The following NOX4 variants were observed in gnomAD, a reference collection of about 807,000 sequenced individuals.
The protein encoded by NOX4 is kidney oxidase-1.
Under a neutral mutation model 87.6 loss-of-function variants are expected in NOX4, and 69 were observed. The ratio of observed to expected loss-of-function variants is 0.79; its 90% CI spans 0.65 to 0.96. The LOEUF (loss-of-function observed/expected upper bound fraction) is 0.96, where lower values mean the gene tolerates loss of function less well. Among genes scored for constraint, NOX4 ranks in the 40% least tolerant of loss-of-function variants. The pLI is 0.00. For synonymous variants in NOX4, 275 were observed against 238.2 expected (o/e 1.15, Z -1.42); for missense variants, 680 against 681.5 (o/e 1.00, Z 0.02).
At position 89,326,526 on chromosome 11, in the gene NOX4, G is replaced by C. The variant is rs2135352974; in HGVS notation, c.*230C>G. On this transcript the variant is annotated 3_prime_UTR_variant, in exon 18 of 18. Transcript: ENST00000263317. ...ACAGTTTTCTTTTAATTTGAGAACT[G>C]AAAAGTGAATCATCACATCAAATAT... 1 of 345,944 alleles carries C rather than the reference G, an allele frequency of 2.9e-6. No individual in the cohort carries two copies. The highest frequency in any genetic ancestry group is 5.2e-6 in the Non-Finnish European group (1 of 191,228). 21.4% of individuals were successfully genotyped at this position (345,944 alleles called of 1,614,324 possible).
At chr11:89,500,439 G>T (rs1014092174), upstream of NOX4, among the ~76,000 whole-genome samples, 2 of 152,122 alleles carry the variant, frequency 1.3e-5, no homozygotes, top group South Asian at 4.1e-4. Flanking sequence ...CACATAGCCT[G>T]CAAGTTCTCC....
In NOX4 at chr11:89,435,102, T is replaced by C. The variant is rs1944009626; in HGVS notation, c.476-2246A>G. Among the ~76,000 whole-genome samples, 2 of 152,226 alleles carry C rather than the reference T, an allele frequency of 1.3e-5. 1 individual carries two copies. Among genetic ancestry groups the C allele is most frequent in the Middle Eastern group, 6.8e-3 (2 of 294 alleles). ...ATGTATCAAAACCAATCAAATTGTA[T>C]ACATGTGTATAATTAGTGTACTTCA... is the stretch of plus-strand genomic sequence containing the variant. On this transcript the variant is annotated intron_variant, in intron 6 of 17. Coordinates refer to ENST00000263317, the MANE Select transcript of NOX4 (RefSeq NM_016931.5).
chr11:89,438,458 C>T (rs1187837577), intron 6 of NOX4, among the ~76,000 whole-genome samples: 2 of 77,730 alleles, frequency 2.6e-5, no homozygotes, highest in African/African-American at 7.9e-5. Flanking sequence ...ATATAATATA[C>T]AGCATATATA....
the NOX4 span, among the ~76,000 whole-genome samples, chr11:89,584,509 G>T: frequency 3.9e-5 from 6 of 152,150 alleles, no homozygotes; most frequent in African/African-American, 1.4e-4. Flanking sequence ...AAATAAATTT[G>T]TGTGTGTAGC....
chr11:89,470,472 C>T (rs928058551), intron 2 of NOX4, among the ~76,000 whole-genome samples: 1 of 152,074 alleles, frequency 6.6e-6, no homozygotes, highest in East Asian at 1.9e-4. Context: ...TCCTTCAATG[C>T]CCTTATTTTA....
chr11:89,411,576 G>A (rs1942479522), intron 8 of NOX4, among the ~76,000 whole-genome samples: 2 of 152,160 alleles, frequency 1.3e-5, no homozygotes, highest in African/African-American at 4.8e-5. Flanking sequence ...AACATAGGCA[G>A]TAGCTACGCA....
intron 7 of NOX4, among the ~76,000 whole-genome samples, chr11:89,426,585 T>A (rs1236732160): frequency 2.0e-5 from 3 of 152,140 alleles, no homozygotes; most frequent in Non-Finnish European, 4.4e-5. Context: ...ATCCCACGCA[T>A]GTCTCAGAGG....
chr11:89,440,696 A>G lies in NOX4; in HGVS notation c.467T>C (p.Phe156Ser). The G allele has an allele frequency of 6.5e-7, 1 of 1,549,210 alleles. No homozygotes were observed. The highest frequency in any genetic ancestry group is 1.2e-5 in the South Asian group (1 of 84,300). ...TAAGAATAACAACTTACCAGTTGTG[A>G]AGAGAAGTTTTCTAGGATCCTGAGA... ...YRDEDPRKLLFTTVPGLTGVC... is the reference protein window; with the variant it reads ...YRDEDPRKLLSTTVPGLTGVC... The change falls in exon 6 of 18, where the codon TTC becomes TCC. Residue 156 changes from phenylalanine (F) to serine (S), a missense_variant. By Grantham distance (155) the Phe-to-Ser change is radical. Transcript: ENST00000263317.
chr11:89,549,690 T>G, the NOX4 span, among the ~76,000 whole-genome samples: 1 of 152,186 alleles, frequency 6.6e-6, no homozygotes, highest in Non-Finnish European at 1.5e-5. Context: ...CCTCCCTGTG[T>G]CTATGTGTTC....
chr11:89,549,436 T>C, the NOX4 span, among the ~76,000 whole-genome samples: 1 of 152,220 alleles, frequency 6.6e-6, no homozygotes, highest in South Asian at 2.1e-4. Context: ...TTTTATGTAT[T>C]ATAGAGTGCT....
chr11:89,506,613 C>T, the NOX4 span, among the ~76,000 whole-genome samples: 1 of 151,654 alleles, frequency 6.6e-6, no homozygotes, highest in Non-Finnish European at 1.5e-5. Flanking sequence ...AACTTCTGTT[C>T]TTCAAAAGTT....
chr11:89,459,454 T>A (rs537568991), intron 2 of NOX4, among the ~76,000 whole-genome samples: 15 of 151,672 alleles, frequency 9.9e-5, no homozygotes, highest in Admixed American at 4.6e-4. Context: ...AATAAAACTT[T>A]AAAAAAAACT....
the NOX4 span, among the ~76,000 whole-genome samples, chr11:89,550,342 C>T: frequency 3.9e-5 from 6 of 151,998 alleles, no homozygotes; most frequent in Admixed American, 6.6e-5. Flanking sequence ...CCAGCCACCA[C>T]GTCCAGCTAA....
chr11:89,340,589 C>T (rs959544726), intron 14 of NOX4, among the ~76,000 whole-genome samples: 1 of 152,156 alleles, frequency 6.6e-6, no homozygotes, highest in African/African-American at 2.4e-5. Flanking sequence ...CTCCAAAGGT[C>T]ATTCAGTCTT....
chr11:89,353,095 A>C (rs1328746092), intron 13 of NOX4, among the ~76,000 whole-genome samples: 1 of 152,234 alleles, frequency 6.6e-6, no homozygotes, highest in Non-Finnish European at 1.5e-5. Context: ...CTGGGATTAC[A>C]GGAAGAAAGT....
chr11:89,496,226 A>G (rs899359092), upstream of NOX4, among the ~76,000 whole-genome samples: 2 of 152,316 alleles, frequency 1.3e-5, no homozygotes, highest in South Asian at 2.1e-4. Context: ...CCGTGCACCC[A>G]CATGGCTGGG....
At chr11:89,505,508 A>G in the NOX4 span, among the ~76,000 whole-genome samples, 1 of 151,868 alleles carries the variant, frequency 6.6e-6, no homozygotes, top group Non-Finnish European at 1.5e-5. Flanking sequence ...GCTGAGACTC[A>G]GAGGAGTCTC....
In NOX4 at chr11:89,434,646, A is replaced by T. The variant is rs146271190; in HGVS notation, c.476-1790T>A. On this transcript the variant is annotated intron_variant, in intron 6 of 17. Coordinates refer to ENST00000263317, the MANE Select transcript of NOX4 (RefSeq NM_016931.5). ...GAAACAAACATATATCCATGCAAAG[A>T]CTTGTTTAAGAATGTTCATAGCTAC... Among the ~76,000 whole-genome samples the T allele has an allele frequency of 1.0e-3, 156 of 151,850 alleles. 2 individuals carry two copies. Among genetic ancestry groups the T allele is most frequent in the African/African-American group, 3.6e-3 (151 of 41,474 alleles).
the NOX4 span, among the ~76,000 whole-genome samples, chr11:89,519,562 A>G: frequency 6.6e-6 from 1 of 152,078 alleles, no homozygotes; most frequent in Non-Finnish European, 1.5e-5. Flanking sequence ...AAAATAAATT[A>G]AGGGTATCTG....
Sources: gnomAD v4.1 joint callset for allele counts (sites outside exome capture counted in the v4.1 genomes callset) on GRCh38, gnomAD v4.1.1 for gene constraint, MANE v1.5 for transcripts, NCBI Gene and HGNC (gene_info 2026-07-23, HGNC 2026-07-21) for gene names.